GABRR2: variants seen among roughly 807,000 people sequenced by gnomAD.
GABRR2 encodes gamma-aminobutyric acid receptor subunit rho-2.
A neutral mutation model predicts 47.0 loss-of-function variants in GABRR2; 36 were observed. That is an observed-to-expected ratio of 0.77 (90% CI 0.59 to 1.01). GABRR2 has a LOEUF of 1.01. Among genes scored for constraint, GABRR2 ranks in the 50% least tolerant of loss-of-function variants. The probability of loss-of-function intolerance (pLI) is 0.00; values close to 1 mark genes in which losing one functional copy is unlikely to be tolerated. For missense variants in GABRR2, 587 were observed against 594.6 expected, an observed-to-expected ratio of 0.99 and a Z score of 0.13; for synonymous variants, 204 against 227.5, an observed-to-expected ratio of 0.90 and a Z score of 0.93.
chr6:89,309,057 G>T (rs1023494647), intron 1 of GABRR2, among the ~76,000 whole-genome samples: 4 of 152,200 alleles, frequency 2.6e-5, no homozygotes, highest in African/African-American at 9.7e-5. Context: ...GTCCTGGAGG[G>T]AGGGAGGGAG....
intron 1 of GABRR2, among the ~76,000 whole-genome samples, chr6:89,300,245 C>A (rs1158063377): frequency 1.3e-5 from 2 of 152,194 alleles, no homozygotes; most frequent in African/African-American, 4.8e-5. Flanking sequence ...TGCAGTGGCT[C>A]ACACCTGTAA....
chr6:89,301,775 C>T (rs895549390), intron 1 of GABRR2: 6 of 752,094 alleles, frequency 8.0e-6, no homozygotes, highest in Admixed American at 3.9e-5. Flanking sequence ...CTGCCAGACA[C>T]GCCCAGTATG....
chr6:89,280,523 G>A (rs966319343), intron 2 of GABRR2, among the ~76,000 whole-genome samples: 2 of 152,056 alleles, frequency 1.3e-5, no homozygotes, highest in Non-Finnish European at 2.9e-5. Context: ...AGGCACCCAA[G>A]ATGGGTTGCC....
At chr6:89,276,138 T>C (rs1774155926) in intron 2 of GABRR2, among the ~76,000 whole-genome samples, 1 of 147,638 alleles carries the variant, frequency 6.8e-6, no homozygotes, top group African/African-American at 2.4e-5. Flanking sequence ...TTATATACAT[T>C]ATAAATTATT....
chr6:89,258,674 T>A (rs1451961730), intron 8 of GABRR2, among the ~76,000 whole-genome samples: 3 of 150,964 alleles, frequency 2.0e-5, no homozygotes, highest in Non-Finnish European at 3.0e-5. Context: ...TGAGCAGTGA[T>A]CATGCCACTG....
intron 2 of GABRR2, among the ~76,000 whole-genome samples, chr6:89,280,077 G>T (rs1254512087): frequency 6.6e-6 from 1 of 151,882 alleles, no homozygotes; most frequent in Non-Finnish European, 1.5e-5. Flanking sequence ...AGGTGTGGGG[G>T]CTCATGCCTG....
At chr6:89,278,261 A>C (rs1774200766) in intron 2 of GABRR2, among the ~76,000 whole-genome samples, 1 of 152,352 alleles carries the variant, frequency 6.6e-6, no homozygotes, top group East Asian at 1.9e-4. Context: ...AAGTGAAGGA[A>C]GTAATGGCCA....
At position 89,310,737 on chromosome 6, in the gene GABRR2, G is replaced by A. The variant is rs987482511; in HGVS notation, c.113+4316C>T. On this transcript the variant is annotated intron_variant, in intron 1 of 8. Transcript: ENST00000402938. ...AATGAGTGAGCATTAGATGAGAAGC[G>A]GGAGGGGGTGGGGGGTGTGGTGGGA... Among the ~76,000 whole-genome samples the A allele has an allele frequency of 6.6e-5, 10 of 151,936 alleles. No homozygotes were observed. The East Asian group carries it at 7.8e-4, about 12-fold the overall frequency.
At chr6:89,265,556 C>A in intron 7 of GABRR2, 57 bp downstream of exon 7, 2 of 1,531,016 alleles carry the variant, frequency 1.3e-6, no homozygotes, top group South Asian at 2.5e-5. Context: ...TTTTTGTAAA[C>A]ATAGTGATAA....
At chr6:89,294,320 A>G (rs889187194) in intron 2 of GABRR2, among the ~76,000 whole-genome samples, 4 of 152,128 alleles carry the variant, frequency 2.6e-5, no homozygotes, top group Non-Finnish European at 5.9e-5. Flanking sequence ...AAATTTTTGT[A>G]TGTTTAATAG....
chr6:89,303,705 A>G (rs1288858579), intron 1 of GABRR2, among the ~76,000 whole-genome samples: 1 of 151,808 alleles, frequency 6.6e-6, no homozygotes, highest in East Asian at 1.9e-4. Context: ...CTGACTTCCA[A>G]CTATACTACA....
At chr6:89,299,008 T>C (rs1166279386) in intron 2 of GABRR2, among the ~76,000 whole-genome samples, 1 of 152,180 alleles carries the variant, frequency 6.6e-6, no homozygotes, top group African/African-American at 2.4e-5. Flanking sequence ...TTCCGGCCCC[T>C]GGAAACATGA....
chr6:89,271,413 C>A (rs1774046250), intron 3 of GABRR2, among the ~76,000 whole-genome samples: 2 of 152,228 alleles, frequency 1.3e-5, no homozygotes, highest in African/African-American at 2.4e-5. Flanking sequence ...GTATCACTCC[C>A]AGAGATTCTG....
At chr6:89,310,580 A>C (rs1359281882) in intron 1 of GABRR2, among the ~76,000 whole-genome samples, 1 of 151,874 alleles carries the variant, frequency 6.6e-6, no homozygotes, top group Non-Finnish European at 1.5e-5. Flanking sequence ...TTAAATCCCT[A>C]CCCTCTACTC....
At chr6:89,266,999 CT>C (rs71024360) in intron 6 of GABRR2, among the ~76,000 whole-genome samples, 138 of 125,864 alleles carry the variant, frequency 1.1e-3, no homozygotes, top group African/African-American at 1.7e-3. Context: ...TTCTTTTCTT[CT>C]TTTTTTTTTT....
intron 1 of GABRR2, chr6:89,302,479 A>T (rs991627619): frequency 4.6e-6 from 3 of 651,236 alleles, no homozygotes; most frequent in Non-Finnish European, 8.2e-6. Flanking sequence ...CATGAGCAGG[A>T]TCACTACCTC....
intron 1 of GABRR2, among the ~76,000 whole-genome samples, chr6:89,309,562 T>G (rs1237986406): frequency 6.6e-6 from 1 of 152,198 alleles, no homozygotes; most frequent in East Asian, 1.9e-4. Flanking sequence ...TATTTAAACA[T>G]TTCCTTTTTT....
In GABRR2 at chr6:89,299,873, G is replaced by C. The variant is rs775546836; in HGVS notation, c.114-8C>G. 20 of 1,571,086 alleles carry C rather than the reference G, an allele frequency of 1.3e-5. No individual in the cohort carries two copies. In the South Asian group the frequency reaches 1.9e-4, roughly 15 times the overall value. ...TTCTTCTTATATAAGTGACTGTGAAGACAAGCAAGAAACTATTTTCCATCG... is the reference window on the plus strand; with the variant it reads ...TTCTTCTTATATAAGTGACTGTGAACACAAGCAAGAAACTATTTTCCATCG... On this transcript the variant is annotated splice_polypyrimidine_tract_variant and splice_region_variant and intron_variant, in intron 1 of 8. Coordinates refer to ENST00000402938, the MANE Select transcript of GABRR2 (RefSeq NM_002043.5).
intron 2 of GABRR2, among the ~76,000 whole-genome samples, chr6:89,284,612 G>C (rs1266138435): frequency 6.6e-6 from 1 of 152,168 alleles, no homozygotes; most frequent in Non-Finnish European, 1.5e-5. Flanking sequence ...AGGGAGCCAG[G>C]AGCCACAGAA....
Sources: gnomAD v4.1 joint callset for allele counts (sites outside exome capture counted in the v4.1 genomes callset) on GRCh38, gnomAD v4.1.1 for gene constraint, MANE v1.5 for transcripts, NCBI Gene and HGNC (gene_info 2026-07-23, HGNC 2026-07-21) for gene names.